The following AK5 variants were observed in gnomAD, a reference collection of about 807,000 sequenced individuals.
AK5 encodes the protein adenylate kinase 5.
Under a neutral mutation model 69.5 loss-of-function variants are expected in AK5, and 27 were observed. The observed-to-expected ratio is 0.39, with a 90% CI of 0.29 to 0.54. AK5 has a LOEUF of 0.54. Ranked by LOEUF, AK5 falls within the 20% of genes least tolerant of loss-of-function variation. The pLI, the probability that AK5 is intolerant of heterozygous loss-of-function variation, is 0.71. For missense variants in AK5, 531 were observed against 700.4 expected (o/e 0.76, Z 2.73); for synonymous variants, 260 against 244.4 (o/e 1.06, Z -0.60).
At chr1:77,283,041 A>G in intron 1 of AK5, 7 of 985,588 alleles carry the variant, frequency 7.1e-6, no homozygotes, top group Non-Finnish European at 8.4e-6. Flanking sequence ...ACCTGGAGAT[A>G]GCGGGTCGGG....
intron 6 of AK5, among the ~76,000 whole-genome samples, chr1:77,378,138 G>A (rs1009676826): frequency 3.3e-5 from 5 of 151,984 alleles, no homozygotes; most frequent in South Asian, 2.1e-4. Context: ...TCACTTCCAC[G>A]TAAGCTGTTT....
intron 1 of AK5, among the ~76,000 whole-genome samples, chr1:77,284,344 A>G (rs188710392): frequency 6.6e-6 from 1 of 152,366 alleles, no homozygotes; most frequent in African/African-American, 2.4e-5. Flanking sequence ...TTTTAGGTGT[A>G]CAAAGTTTAA....
intron 3 of AK5, among the ~76,000 whole-genome samples, chr1:77,296,596 A>G (rs997302572): frequency 2.6e-5 from 4 of 152,138 alleles, no homozygotes; most frequent in African/African-American, 9.6e-5. Flanking sequence ...GTTGTGATTA[A>G]GTGTGGAAAT....
At chr1:77,340,797 ATTTT>A in intron 6 of AK5, 1 of 405,278 alleles carries the variant, frequency 2.5e-6, no homozygotes, top group Admixed American at 4.0e-5. Flanking sequence ...AAGAAGATAA[ATTTT>A]AACCTTGGCC....
chr1:77,373,947 A>G (rs917555477), intron 6 of AK5, among the ~76,000 whole-genome samples: 10 of 152,228 alleles, frequency 6.6e-5, no homozygotes, highest in Non-Finnish European at 1.0e-4. Context: ...CCTACTTAAA[A>G]TATTATCCTA....
At chr1:77,378,370 T>C (rs982286733) in intron 6 of AK5, among the ~76,000 whole-genome samples, 3 of 152,242 alleles carry the variant, frequency 2.0e-5, no homozygotes, top group Admixed American at 6.5e-5. Context: ...TTGCCCAGGC[T>C]GTATGCAATG....
At chr1:77,309,200 G>T (rs1659808389) in intron 5 of AK5, among the ~76,000 whole-genome samples, 1 of 151,864 alleles carries the variant, frequency 6.6e-6, no homozygotes, top group African/African-American at 2.4e-5. Flanking sequence ...ATGTACCTGT[G>T]TAACAAACCT....
intron 8 of AK5, among the ~76,000 whole-genome samples, chr1:77,451,189 A>G (rs1052647146): frequency 2.0e-5 from 3 of 152,142 alleles, no homozygotes; most frequent in Non-Finnish European, 4.4e-5. Flanking sequence ...AAAAATAAAT[A>G]CATAAAGACA....
chr1:77,391,471 A>ATG (rs66907899), intron 6 of AK5, among the ~76,000 whole-genome samples: 1 of 60,278 alleles, frequency 1.7e-5, no homozygotes, highest in East Asian at 4.7e-4. Flanking sequence ...ATATACACAT[A>ATG]TGTGTGTGTG....
chr1:77,496,759 C>G (rs990708417), intron 10 of AK5, among the ~76,000 whole-genome samples: 5 of 152,140 alleles, frequency 3.3e-5, no homozygotes, highest in African/African-American at 1.2e-4. Flanking sequence ...CCAATCAGCA[C>G]TCTGTGTCTA....
chr1:77,348,919 A>C (rs1296622487), intron 6 of AK5, among the ~76,000 whole-genome samples: 1 of 152,226 alleles, frequency 6.6e-6, no homozygotes, highest in African/African-American at 2.4e-5. Context: ...CATGTGTAAG[A>C]AAATAATACT....
At chr1:77,423,239 A>AAAAAAAAG (rs1352691974) in intron 8 of AK5, among the ~76,000 whole-genome samples, 2 of 148,370 alleles carry the variant, frequency 1.3e-5, no homozygotes, top group African/African-American at 2.4e-5. Flanking sequence ...AATAAAAAAA[A>AAAAAAAAG]AAGAAGAACT....
chr1:77,448,287 G>A (rs1357078765), intron 8 of AK5, among the ~76,000 whole-genome samples: 6 of 152,282 alleles, frequency 3.9e-5, no homozygotes, highest in Non-Finnish European at 7.4e-5. Flanking sequence ...CTTCCCATGG[G>A]CCAATCAGCA....
chr1:77,307,229 C>CT (rs1464323486), intron 5 of AK5, among the ~76,000 whole-genome samples: 11 of 151,554 alleles, frequency 7.3e-5, no homozygotes, highest in African/African-American at 2.7e-4. Flanking sequence ...GATGTAGGCA[C>CT]TTATAGCTAT....
intron 10 of AK5, among the ~76,000 whole-genome samples, chr1:77,513,316 A>C (rs959205020): frequency 6.6e-6 from 1 of 152,000 alleles, no homozygotes; most frequent in African/African-American, 2.4e-5. Flanking sequence ...CACTCATAGA[A>C]CCTATCACAC....
At chr1:77,409,892 T>G (rs1649919405) in intron 6 of AK5, among the ~76,000 whole-genome samples, 1 of 152,210 alleles carries the variant, frequency 6.6e-6, no homozygotes, top group South Asian at 2.1e-4. Flanking sequence ...TCTAAGACTT[T>G]AATCTATCTT....
At chr1:77,533,703 G>A (rs2100351892) in intron 12 of AK5, among the ~76,000 whole-genome samples, 2 of 151,916 alleles carry the variant, frequency 1.3e-5, no homozygotes, top group East Asian at 3.9e-4. Context: ...ATTTGCTGCC[G>A]GCTCCTGCTC....
At chr1:77,406,380 T>C (rs997332546) in intron 6 of AK5, among the ~76,000 whole-genome samples, 2 of 151,954 alleles carry the variant, frequency 1.3e-5, no homozygotes, top group African/African-American at 4.8e-5. Context: ...GTTGAGGAGA[T>C]GGAACTGAGA....
chr1:77,556,107 G>A (rs2100408009), intron 13 of AK5, among the ~76,000 whole-genome samples: 1 of 152,310 alleles, frequency 6.6e-6, no homozygotes, highest in African/African-American at 2.4e-5. Context: ...CTTATTGTGG[G>A]CTATATCATA....
Sources: allele counts gnomAD v4.1 joint callset (sites outside exome capture counted in the v4.1 genomes callset), GRCh38; gene constraint gnomAD v4.1.1; transcripts MANE v1.5; gene names NCBI Gene and HGNC (gene_info 2026-07-23, HGNC 2026-07-21).